Variants in ZNF37A observed in about 807,000 individuals in gnomAD.
The protein encoded by ZNF37A is zinc finger protein 37a (KOX 21).
Under a neutral mutation model 12.3 loss-of-function variants are expected in ZNF37A, and 10 were observed. The ratio of observed to expected loss-of-function variants is 0.82; its 90% CI spans 0.50 to 1.38. The LOEUF (loss-of-function observed/expected upper bound fraction) is 1.38, where lower values mean the gene tolerates loss of function less well. Ranked by LOEUF, ZNF37A falls within the 40% of genes most tolerant of loss-of-function variation. ZNF37A has a pLI of 0.00. For synonymous variants in ZNF37A, 207 were observed against 223.0 expected (o/e 0.93, Z 0.64); for missense variants, 580 against 651.2 (o/e 0.89, Z 1.19).
At chr10:38,124,883 A>T (rs927088893), downstream of ZNF37A, 10 of 152,242 alleles carry the variant, frequency 6.6e-5, no homozygotes, top group Non-Finnish European at 1.2e-4. Context: ...TTATGGATAC[A>T]TGAGTCCAGA....
intron 7 of ZNF37A, chr10:38,117,009 T>G (rs780505769): frequency 7.8e-5 from 15 of 193,296 alleles, no homozygotes; most frequent in Non-Finnish European, 1.3e-4. Flanking sequence ...CTTGGGAGGT[T>G]GAGGCATGGG....
downstream of ZNF37A, among the ~76,000 whole-genome samples, chr10:38,129,572 C>T (rs1265906067): frequency 6.6e-6 from 1 of 151,994 alleles, no homozygotes; most frequent in Non-Finnish European, 1.5e-5. Context: ...GGCTACTCTG[C>T]CTATGGAGTA....
At chr10:38,097,663 TC>T (rs10709171) in intron 5 of ZNF37A, among the ~76,000 whole-genome samples, 60,786 of 148,210 alleles carry the variant, frequency 0.41, 12,677 homozygotes, top group East Asian at 0.5. Context: ...AAAGAAACAG[TC>T]CTGGTAGGCT....
At chr10:38,147,277 T>C (rs1050283768) in exon 8 of ZNF37A, 4 of 152,158 alleles carry the variant, frequency 2.6e-5, no homozygotes, top group Non-Finnish European at 5.9e-5. Context: ...CCCAGCAAAT[T>C]TGGGTGTCCA....
chr10:38,138,752 T>C (rs2070143410), intron 7 of ZNF37A: 1 of 152,160 alleles, frequency 6.6e-6, no homozygotes, highest in Non-Finnish European at 1.5e-5. Context: ...TTTCCCAGAA[T>C]GGAAAATGAT....
chr10:38,104,205 T>TGCTTTCAAC, intron 5 of ZNF37A, among the ~76,000 whole-genome samples: 1 of 152,256 alleles, frequency 6.6e-6, no homozygotes, highest in East Asian at 1.9e-4. Context: ...TGCCTTTAAA[T>TGCTTTCAAC]GCTTTCAACA....
At chr10:38,104,270 C>T (rs1001369120) in intron 5 of ZNF37A, among the ~76,000 whole-genome samples, 25 of 152,134 alleles carry the variant, frequency 1.6e-4, no homozygotes, top group Admixed American at 1.6e-3. Flanking sequence ...AAAACAAAGA[C>T]AAGCCTGTGA....
At chr10:38,097,583 CAAAA>C (rs71007695) in intron 5 of ZNF37A, among the ~76,000 whole-genome samples, 27 of 61,936 alleles carry the variant, frequency 4.4e-4, no homozygotes, top group East Asian at 2.5e-3. Context: ...GACTCTGTCT[CAAAA>C]AAAAAAAAAA....
rs1274440641 is a variant in ZNF37A, at chr10:38,094,367, C to T, written c.-615C>T. 1 of 151,448 alleles carries T rather than the reference C, an allele frequency of 6.6e-6. No individual in the cohort carries two copies. 9.4% of individuals were successfully genotyped at this position (151,448 alleles called of 1,614,324 possible). Reference sequence around the variant, plus strand: ...GTAGTGTGCACTTTTCGGCCCCCGTCGCGGGAGCCGCTTCGGGCCTTCTGG... The same window carrying T: ...GTAGTGTGCACTTTTCGGCCCCCGTTGCGGGAGCCGCTTCGGGCCTTCTGG... On this transcript the variant is annotated 5_prime_UTR_variant, in exon 1 of 8. Coordinates refer to ENST00000685332, the MANE Select transcript of ZNF37A (RefSeq NM_001324250.3).
At chr10:38,127,347 A>G (rs1470847766), downstream of ZNF37A, among the ~76,000 whole-genome samples, 1 of 152,186 alleles carries the variant, frequency 6.6e-6, no homozygotes, top group East Asian at 1.9e-4. Flanking sequence ...ACTTACGCTA[A>G]CCACTTTCTT....
intron 5 of ZNF37A, among the ~76,000 whole-genome samples, chr10:38,100,296 C>T (rs1309814327): frequency 6.6e-6 from 1 of 152,164 alleles, no homozygotes; most frequent in Non-Finnish European, 1.5e-5. Flanking sequence ...TCATTGATAA[C>T]ATCTTATCAG....
Position 38,123,623 on chromosome 10 carries a change from T to C in ZNF37A, c.*4786T>C, listed in dbSNP as rs2069838810. The C allele has an allele frequency of 6.6e-6, 1 of 151,436 alleles. No individual in the cohort carries two copies. Among genetic ancestry groups the C allele is most frequent in the African/African-American group, 2.4e-5 (1 of 41,106 alleles). The allele number at this position is 151,436 out of a possible 1,614,324, so 9.4% of individuals were successfully genotyped here. A position where few individuals can be genotyped will look rare whatever the true frequency, so the allele number is the denominator to read the frequency against. On this transcript the variant is annotated 3_prime_UTR_variant, in exon 8 of 8. Transcript: ENST00000685332. ...ACAAGGTGTTCACAACCAGAATATA[T>C]AAGGAGCTATAACAATTCTATAGAA...
chr10:38,129,668 CAT>C (rs1034806287), downstream of ZNF37A, among the ~76,000 whole-genome samples: 10 of 152,170 alleles, frequency 6.6e-5, no homozygotes, highest in Non-Finnish European at 1.5e-4. Context: ...CTATGCATCT[CAT>C]AAAACTGCCA....
Position 38,118,037 on chromosome 10 carries a change from G to C in ZNF37A, c.886G>C (p.Gly296Arg). 1 of 1,613,950 alleles carries C rather than the reference G, an allele frequency of 6.2e-7. No individual in the cohort carries two copies. The highest frequency in any genetic ancestry group is 2.2e-5 in the East Asian group (1 of 44,862). ...AAGACATCAGAGAACACACACAGGG[G>C]GAAAACCCTATGAATGTCATGAATG... ...HTRHQRTHTG[G>R]KPYECHECGK... is the part of the protein sequence containing the mutation. The change falls in exon 8 of 8, where the codon GGA becomes CGA. Residue 296 changes from glycine to arginine, a missense_variant. Transcript: ENST00000685332.
In ZNF37A at chr10:38,149,571, CTTTTTTTTTTT is replaced by C. The variant is rs549404724; in HGVS notation, c.*2762_*2772del. 4 of 95,708 alleles carry C rather than the reference CTTTTTTTTTTT, an allele frequency of 4.2e-5. 1 individual carries two copies. Among genetic ancestry groups the C allele is most frequent in the Middle Eastern group, 0.017 (2 of 116 alleles). The allele number at this position is 95,708 out of a possible 1,614,324, so 5.9% of individuals were successfully genotyped here. A position where few individuals can be genotyped will look rare whatever the true frequency, so the allele number is the denominator to read the frequency against. On this transcript the variant is annotated 3_prime_UTR_variant, in exon 8 of 8. Coordinates refer to the ZNF37A transcript ENST00000638053. Reference sequence around the variant, plus strand: ...CACCTTCCAACATTCTACAGTTGTGCTTTTTTTTTTTTTTTTTTTTTGAGAGAGAGTCTAGC... The same window carrying C: ...CACCTTCCAACATTCTACAGTTGTGCTTTTTTTTTTGAGAGAGAGTCTAGC...
Position 38,098,334 on chromosome 10 carries a change from C to T in ZNF37A, c.15+1702C>T, listed in dbSNP as rs540434785. 1.4e-3 allele frequency among the ~76,000 whole-genome samples: 215 copies of T among 152,232 alleles called. 2 individuals are homozygous for T. The highest frequency in any genetic ancestry group is 1.9e-3 in the Non-Finnish European group (132 of 68,018). ...CTCAGTTGTTCTGGGTATATACCTA[C>T]GAGTGAAATTGCTGGGTCATATGGT... On this transcript the variant is annotated intron_variant, in intron 5 of 7. Coordinates refer to ENST00000685332, the MANE Select transcript of ZNF37A (RefSeq NM_001324250.3).
intron 1 of ZNF37A, among the ~76,000 whole-genome samples, chr10:38,094,698 A>G (rs973585343): frequency 6.6e-6 from 1 of 152,244 alleles, no homozygotes; most frequent in African/African-American, 2.4e-5. Context: ...AGGCCTCCGC[A>G]GGACGGCGCA....
chr10:38,113,205 A>ATTTTTTTT (rs71007697), intron 5 of ZNF37A, among the ~76,000 whole-genome samples: 25 of 75,850 alleles, frequency 3.3e-4, no homozygotes, highest in East Asian at 1.3e-3. Flanking sequence ...TTAGTCTGTG[A>ATTTTTTTT]TTTTTTTTTT....
intron 7 of ZNF37A, chr10:38,143,481 G>A (rs1308127257): frequency 6.6e-6 from 1 of 152,162 alleles, no homozygotes; most frequent in Admixed American, 6.6e-5. Context: ...CTGGTCCCCA[G>A]TCTCATCTCT....
Sources: gnomAD v4.1 joint callset for allele counts (sites outside exome capture counted in the v4.1 genomes callset) on GRCh38, gnomAD v4.1.1 for gene constraint, MANE v1.5 for transcripts, NCBI Gene and HGNC (gene_info 2026-07-23, HGNC 2026-07-21) for gene names.